The following PLEKHM1 variants were observed in gnomAD, a reference collection of about 807,000 sequenced individuals.
PLEKHM1 encodes the protein pleckstrin homology and RUN domain containing M1, also known as pleckstrin homology domain-containing family M member 1.
A neutral mutation model predicts 94.3 loss-of-function variants in PLEKHM1; 28 were observed. The ratio of observed to expected loss-of-function variants is 0.30; its 90% CI spans 0.22 to 0.41. The LOEUF is 0.41. PLEKHM1 is among the 10% of genes least tolerant of loss of function. The probability of loss-of-function intolerance (pLI) is 1.00; values close to 1 mark genes in which losing one functional copy is unlikely to be tolerated. For missense variants in PLEKHM1, 907 were observed against 1,358.6 expected, an observed-to-expected ratio of 0.67 and a Z score of 5.22; for synonymous variants, 424 against 581.2, an observed-to-expected ratio of 0.73 and a Z score of 3.89.
chr17:45,445,634 T>C lies in PLEKHM1; in HGVS notation c.2673A>G (p.Thr891=), dbSNP rs2684655. The change falls in exon 9 of 12, where the codon ACA becomes ACG. Residue 891 remains threonine (T), a synonymous_variant. Coordinates refer to ENST00000430334, the MANE Select transcript of PLEKHM1 (RefSeq NM_014798.3). This position sits in a 1 kb window ranked among gnomAD's most constrained non-coding sequence, Gnocchi z 4.2. ...PICRQALKFL[T]QIRAQPLINL... is the part of the protein sequence containing the mutation. ...TGATGAGGGGCTGGGCCCGGATCTGTGTCAGAAACTTCAGGGCCTGCCTGC... is the reference window on the plus strand; with the variant it reads ...TGATGAGGGGCTGGGCCCGGATCTGCGTCAGAAACTTCAGGGCCTGCCTGC... The C allele has an allele frequency of 6.2e-7, 1 of 1,613,676 alleles. No homozygotes were observed. Among genetic ancestry groups the C allele is most frequent in the Non-Finnish European group, 8.5e-7 (1 of 1,179,862 alleles).
chr17:45,438,204 G>A (rs2050330144), intron 11 of PLEKHM1, among the ~76,000 whole-genome samples: 1 of 152,234 alleles, frequency 6.6e-6, no homozygotes, highest in Non-Finnish European at 1.5e-5. Flanking sequence ...TATAAATGCT[G>A]CTTGAGATTC....
intron 9 of PLEKHM1, among the ~76,000 whole-genome samples, chr17:45,443,676 A>T (rs1373077278): frequency 2.0e-5 from 3 of 151,928 alleles, no homozygotes; most frequent in African/African-American, 7.2e-5. Flanking sequence ...TCTGGTCTAC[A>T]CAGGTCTGCA....
intron 6 of PLEKHM1, among the ~76,000 whole-genome samples, chr17:45,457,492 G>A (rs2050998098): frequency 2.6e-5 from 4 of 151,650 alleles, no homozygotes; most frequent in Admixed American, 6.6e-5. Flanking sequence ...CACGGGAGGC[G>A]GAGGTTGTGG....
intron 9 of PLEKHM1, among the ~76,000 whole-genome samples, chr17:45,442,921 A>G (rs897917655): frequency 1.9e-4 from 29 of 152,180 alleles, no homozygotes; most frequent in African/African-American, 6.8e-4. Context: ...CTTAGCCAGG[A>G]AAGCCAGGTT....
chr17:45,457,717 T>A (rs2051010992), intron 6 of PLEKHM1, among the ~76,000 whole-genome samples: 1 of 152,086 alleles, frequency 6.6e-6, no homozygotes, highest in African/African-American at 2.4e-5. Flanking sequence ...AAAGGGAGAC[T>A]CCATCTCAAA....
chr17:45,471,616 T>C (rs2051514965), intron 4 of PLEKHM1, among the ~76,000 whole-genome samples: 1 of 151,690 alleles, frequency 6.6e-6, no homozygotes, highest in Admixed American at 6.6e-5. Context: ...ATTAGCTGGG[T>C]GTGGTGGCAG....
rs1238574821 is a variant in PLEKHM1 at position 45,436,949 on chromosome 17, G to C, written c.*909C>G. On this transcript the variant is annotated 3_prime_UTR_variant, in exon 12 of 12. Coordinates refer to ENST00000430334, the MANE Select transcript of PLEKHM1 (RefSeq NM_014798.3). Reference sequence around the variant, plus strand: ...AGTGTGACCCCGGGCACCCACCAAGGTGGGCCTGGAGCATCTGCAGCAGCG... The same window carrying C: ...AGTGTGACCCCGGGCACCCACCAAGCTGGGCCTGGAGCATCTGCAGCAGCG... 2.2e-6 allele frequency: 1 copy of C among 447,762 alleles called. No individual in the cohort carries two copies. Among genetic ancestry groups the C allele is most frequent in the African/African-American group, 2.0e-5 (1 of 49,876 alleles). 27.7% of individuals were successfully genotyped at this position (447,762 alleles called of 1,614,324 possible).
intron 6 of PLEKHM1, chr17:45,454,723 AC>A (rs551335425): frequency 5.7e-4 from 165 of 291,766 alleles, no homozygotes; most frequent in Admixed American, 2.7e-3. Context: ...GCACACATGC[AC>A]GCTGTCATTT....
At chr17:45,481,696 C>T (rs1388383068) in intron 2 of PLEKHM1, among the ~76,000 whole-genome samples, 1 of 148,938 alleles carries the variant, frequency 6.7e-6, no homozygotes, top group Admixed American at 6.7e-5. Context: ...GAGGGAAGAG[C>T]CTCTGCATGA....
intron 6 of PLEKHM1, among the ~76,000 whole-genome samples, chr17:45,455,760 C>T (rs2050926149): frequency 6.6e-6 from 1 of 152,204 alleles, no homozygotes; most frequent in Admixed American, 6.5e-5. Flanking sequence ...GTGATGACAA[C>T]CTCCTAACTG....
intron 6 of PLEKHM1, 93 bp from the exon 7 acceptor site, chr17:45,454,365 T>C: frequency 4.3e-6 from 5 of 1,175,072 alleles, no homozygotes; most frequent in Non-Finnish European, 4.9e-6. Flanking sequence ...CTGCAGTGCA[T>C]GTGGCCAGTG....
At chr17:45,477,733 T>C in intron 3 of PLEKHM1, 167 bp downstream of exon 3, 1 of 758,010 alleles carries the variant, frequency 1.3e-6, no homozygotes, top group South Asian at 1.6e-5. Flanking sequence ...AAGCTTGGTC[T>C]AGAGATAAGC....
At chr17:45,439,704 C>A in intron 10 of PLEKHM1, 70 bp from the exon 11 acceptor site, 1 of 1,598,130 alleles carries the variant, frequency 6.3e-7, no homozygotes, top group Non-Finnish European at 8.6e-7. Flanking sequence ...AAACTGAGGC[C>A]CCAGGCCTTT....
chr17:45,475,864 T>G, intron 3 of PLEKHM1, 138 bp from the exon 4 acceptor site: 1 of 958,712 alleles, frequency 1.0e-6, no homozygotes. Flanking sequence ...AATAGTGTTT[T>G]AGGCCAGATG....
intron 5 of PLEKHM1, among the ~76,000 whole-genome samples, chr17:45,463,507 C>T (rs1410960162): frequency 7.2e-5 from 11 of 152,238 alleles, no homozygotes; most frequent in Non-Finnish European, 1.3e-4. Flanking sequence ...ATTCTCCTAC[C>T]TCAGCCTCCT....
intron 1 of PLEKHM1, among the ~76,000 whole-genome samples, chr17:45,490,285 G>A (rs1264242616): frequency 6.6e-6 from 1 of 152,124 alleles, no homozygotes; most frequent in Non-Finnish European, 1.5e-5. Context: ...TTACCAGAGG[G>A]GTGGGGAGAG....
At chr17:45,483,429 G>GGGGC (rs1359553683) in intron 1 of PLEKHM1, among the ~76,000 whole-genome samples, 1 of 128,394 alleles carries the variant, frequency 7.8e-6, no homozygotes, top group African/African-American at 3.7e-5. Flanking sequence ...GGGGTGGGGT[G>GGGGC]GGGTGGGGTG....
chr17:45,460,923 C>T (rs535515458), intron 5 of PLEKHM1, among the ~76,000 whole-genome samples: 2 of 152,216 alleles, frequency 1.3e-5, no homozygotes, highest in Admixed American at 6.5e-5. Flanking sequence ...CTTGCTCTGT[C>T]GCCCAGGCTG....
intron 2 of PLEKHM1, among the ~76,000 whole-genome samples, chr17:45,479,505 G>A (rs1298489002): frequency 6.9e-6 from 1 of 144,666 alleles, no homozygotes; most frequent in Non-Finnish European, 1.5e-5. Context: ...GCGACAGAGC[G>A]AGACTCCGCC....
Sources: gnomAD v4.1 joint callset for allele counts (sites outside exome capture counted in the v4.1 genomes callset) on GRCh38, gnomAD v4.1.1 for gene constraint, Gnocchi (gnomAD v3.1) non-coding constraint, MANE v1.5 for transcripts, NCBI Gene and HGNC (gene_info 2026-07-23, HGNC 2026-07-21) for gene names.